Variants in ZNF611 observed in about 807,000 individuals in gnomAD.
ZNF611 encodes the protein zinc finger protein 611.
A neutral mutation model predicts 8.9 loss-of-function variants in ZNF611; 6 were observed. The observed-to-expected ratio is 0.68, with a 90% CI of 0.37 to 1.34. The LOEUF (loss-of-function observed/expected upper bound fraction) is 1.34. ZNF611 is among the 40% of genes most tolerant of loss of function. The probability of loss-of-function intolerance (pLI) is 0.02; values close to 1 mark genes in which losing one functional copy is unlikely to be tolerated. For synonymous variants in ZNF611, 262 were observed against 279.7 expected (o/e 0.94, Z 0.63); for missense variants, 874 against 841.3 (o/e 1.04, Z -0.48).
At chr19:52,714,720 T>C in intron 4 of ZNF611, among the ~76,000 whole-genome samples, 1 of 62,232 alleles carries the variant, frequency 1.6e-5, no homozygotes, top group African/African-American at 9.9e-5. Context: ...AAAAAAACAA[T>C]GCCGGGCAGT....
At chr19:52,707,023 A>G (rs1240214292) in intron 5 of ZNF611, among the ~76,000 whole-genome samples, 159 bp from the exon 6 acceptor site, 3 of 152,200 alleles carry the variant, frequency 2.0e-5, no homozygotes, top group East Asian at 1.9e-4. Context: ...TTTAGTAAAT[A>G]AAGGGTGATT....
chr19:52,705,844 T>G lies in ZNF611; in HGVS notation c.1211A>C (p.Asp404Ala), dbSNP rs1487471306. The change falls in exon 6 of 6, where the codon GAC becomes GCC. Residue 404 changes from aspartate (D) to alanine (A), a missense_variant. Physicochemically the swap from Asp to Ala is moderately radical, Grantham distance 126 (BLOSUM62 -2). Transcript: ENST00000652185. ...CTGTGAATGCCACGTGAAAGCTGTG[T>G]CACAAACCTTACATCTGTATGGTTT... ...GEKPYRCKVC[D>A]TAFTWHSQLA... is the part of the protein sequence containing the mutation. 6.2e-7 allele frequency: 1 copy of G among 1,614,098 alleles called. No homozygotes were observed. Among genetic ancestry groups the G allele is most frequent in the East Asian group, 2.2e-5 (1 of 44,862 alleles).
chr19:52,706,745 G>A lies in ZNF611; in HGVS notation c.310C>T (p.Gln104Ter). 1.2e-6 allele frequency: 2 copies of A among 1,613,970 alleles called. No individual in the cohort carries two copies. The highest frequency in any genetic ancestry group is 1.7e-6 in the Non-Finnish European group (2 of 1,180,014). ...ESHHIGDFCFQEIEKEIHDIE... is the reference protein window; with the variant it reads ...ESHHIGDFCF ...TCATGAATTTCTTTCTCAATTTCCT[G>A]GAAGCAAAAATCTCCAATGTGATGA... Residue 104 changes from glutamine (Q) to a stop codon, truncating the protein, a stop_gained, in exon 6 of 6, where the codon CAG (glutamine) becomes TAG (stop). Coordinates refer to ENST00000652185, the MANE Select transcript of ZNF611 (RefSeq NM_001161499.2). LOFTEE classifies it low-confidence loss of function (END_TRUNC).
intron 3 of ZNF611, among the ~76,000 whole-genome samples, chr19:52,716,482 G>A (rs1329291133): frequency 2.6e-5 from 4 of 152,246 alleles, no homozygotes; most frequent in Non-Finnish European, 5.9e-5. Context: ...CCATGTTCTG[G>A]CTCTGCCCTC....
rs1011420700 is a variant in ZNF611 at position 52,702,830 on chromosome 19, G to A, written c.*2107C>T. ...CTAACTGGTTAAAGTACATTTTGAT[G>A]TTTAGTTAAAAGGCCACTGACATAT... On this transcript the variant is annotated 3_prime_UTR_variant, in exon 6 of 6. Transcript: ENST00000652185. 1.3e-5 allele frequency: 2 copies of A among 152,144 alleles called. No homozygotes were observed. The highest frequency in any genetic ancestry group is 2.4e-5 in the African/African-American group (1 of 41,436). The allele number at this position is 152,144 out of a possible 1,614,324, so 9.4% of individuals were successfully genotyped here.
chr19:52,713,975 A>G (rs746877475), intron 5 of ZNF611, 40 bp downstream of exon 5: 1 of 1,611,504 alleles, frequency 6.2e-7, no homozygotes, highest in East Asian at 2.2e-5. Context: ...CAAGATAGAC[A>G]AGAGCAGACT....
intron 3 of ZNF611, among the ~76,000 whole-genome samples, chr19:52,726,813 G>C (rs1436012225): frequency 1.3e-5 from 2 of 150,832 alleles, no homozygotes; most frequent in Non-Finnish European, 2.9e-5. Flanking sequence ...TATCCAGTTA[G>C]TTGTCCCGCA....
intron 1 of ZNF611, among the ~76,000 whole-genome samples, 176 bp from the exon 2 acceptor site, chr19:52,730,181 CAGG>C (rs1299591266): frequency 6.6e-6 from 1 of 151,824 alleles, no homozygotes; most frequent in African/African-American, 2.4e-5. Context: ...ATGACGAGGT[CAGG>C]AGATCGAGAC....
intron 5 of ZNF611, among the ~76,000 whole-genome samples, chr19:52,710,688 C>T (rs971965941): frequency 6.6e-6 from 1 of 152,058 alleles, no homozygotes; most frequent in African/African-American, 2.4e-5. Flanking sequence ...TCTAACAGGA[C>T]AGTGAAAAGA....
rs1375565550 is a variant in ZNF611, at chr19:52,722,506, TCA to T, written c.-20+6222_-20+6223del. On this transcript the variant is annotated intron_variant, in intron 3 of 5. Transcript: ENST00000652185. ...CCCTGGGAAAAGGGAAGAAACTGAC[TCA>T]CAACTGAGTAAGTCACTGCCCTCGG... 2.0e-5 allele frequency among the ~76,000 whole-genome samples: 3 copies of T among 152,258 alleles called. No homozygotes were observed. In the South Asian group the frequency reaches 6.2e-4, roughly 32 times the overall value.
Position 52,728,798 on chromosome 19 carries a change from C to T in ZNF611, c.-88G>A, listed in dbSNP as rs2062407644. On this transcript the variant is annotated 5_prime_UTR_variant, in exon 3 of 6. Transcript: ENST00000652185. ...TCAACTCCCTGGCTCAAGTGATCCT[C>T]CCACCTTTTTCATCAAGCATTTGGA... 1 of 168,294 alleles carries T rather than the reference C, an allele frequency of 5.9e-6. No individual in the cohort carries two copies. The highest frequency in any genetic ancestry group is 2.4e-5 in the African/African-American group (1 of 41,762). The allele number at this position is 168,294 out of a possible 1,614,324, so 10.4% of individuals were successfully genotyped here.
At chr19:52,722,196 C>CAA (rs141817982) in intron 3 of ZNF611, among the ~76,000 whole-genome samples, 3 of 150,958 alleles carry the variant, frequency 2.0e-5, no homozygotes, top group African/African-American at 7.3e-5. Context: ...ACCGTTTCTA[C>CAA]AAAAAAAATA....
In ZNF611 at chr19:52,715,617, G is replaced by A. The variant is rs547807963; in HGVS notation, c.63+215C>T. On this transcript the variant is annotated intron_variant, in intron 4 of 5. Coordinates refer to ENST00000652185, the MANE Select transcript of ZNF611 (RefSeq NM_001161499.2). ...ATGTCAGGGTGTGAGCCCTTCCCAG[G>A]ACCATGCCCAGTGGAGCCTCTTCCC... Among the ~76,000 whole-genome samples the A allele has an allele frequency of 2.6e-5, 4 of 152,240 alleles. No individual in the cohort carries two copies. The South Asian group carries it at 8.3e-4, about 32-fold the overall frequency.
chr19:52,714,410 A>G (rs1384929522), intron 4 of ZNF611, among the ~76,000 whole-genome samples: 3 of 152,186 alleles, frequency 2.0e-5, no homozygotes, highest in East Asian at 1.9e-4. Flanking sequence ...AAACAGGGCC[A>G]GGCATGGCAG....
At chr19:52,707,472 G>T (rs2062253253) in intron 5 of ZNF611, 1 of 151,392 alleles carries the variant, frequency 6.6e-6, no homozygotes, top group Non-Finnish European at 1.5e-5. Flanking sequence ...CTTAAACCTG[G>T]GAGGTAGAGG....
Position 52,705,004 on chromosome 19 carries a change from C to T in ZNF611, c.2051G>A (p.Gly684Glu), listed in dbSNP as rs2062229554. 1.2e-6 allele frequency: 2 copies of T among 1,614,080 alleles called. No homozygotes were observed. The highest frequency in any genetic ancestry group is 1.6e-4 in the Middle Eastern group (1 of 6,062). Residue 684 changes from glycine to glutamate, a missense_variant, in exon 6 of 6, where the codon GGG (glycine) becomes GAG (glutamate). Physicochemically the swap from Gly to Glu is moderately conservative, Grantham distance 98. Coordinates refer to ENST00000652185, the MANE Select transcript of ZNF611 (RefSeq NM_001161499.2). ...GTGTGATTGTTGATTAAAAGCCTTCCCACATTCATTACACTTGTAAGGTTT... is the reference window on the plus strand; with the variant it reads ...GTGTGATTGTTGATTAAAAGCCTTCTCACATTCATTACACTTGTAAGGTTT... ...AEKPYKCNEC[G>E]KAFNQQSHLS... is the part of the protein sequence containing the mutation.
chr19:52,712,456 TAAA>T (rs55649603), intron 5 of ZNF611, among the ~76,000 whole-genome samples: 8,771 of 35,792 alleles, frequency 0.25, 81 homozygotes, highest in Non-Finnish European at 0.26. Context: ...CTGTCTCTAC[TAAA>T]AAAAAAAAAA....
intron 3 of ZNF611, among the ~76,000 whole-genome samples, chr19:52,717,908 G>A (rs554691773): frequency 2.6e-5 from 4 of 152,196 alleles, no homozygotes; most frequent in South Asian, 4.2e-4. Flanking sequence ...AAACGTTTTC[G>A]ATATATGATA....
chr19:52,733,546 C>T (rs201686519), intron 1 of ZNF611, among the ~76,000 whole-genome samples: 1 of 141,656 alleles, frequency 7.1e-6, no homozygotes, highest in Non-Finnish European at 1.5e-5. Flanking sequence ...AAGCAATCCC[C>T]TTGCCTCAGT....
Sources: allele counts gnomAD v4.1 joint callset (sites outside exome capture counted in the v4.1 genomes callset), GRCh38; gene constraint gnomAD v4.1.1; transcripts MANE v1.5; gene names NCBI Gene and HGNC (gene_info 2026-07-23, HGNC 2026-07-21).